TTN: variants seen among roughly 807,000 people sequenced by gnomAD.
TTN encodes titin, also known as connectin.
Under a neutral mutation model 3,223.0 loss-of-function variants are expected in TTN, and 1,525 were observed. The observed-to-expected ratio is 0.47, with a 90% CI of 0.45 to 0.49. The LOEUF (loss-of-function observed/expected upper bound fraction) is 0.49, where lower values mean the gene tolerates loss of function less well. Among genes scored for constraint, TTN ranks in the 20% least tolerant of loss-of-function variants. The pLI is 0.00. For missense variants in TTN, 40,786 were observed against 43,424.0 expected, an observed-to-expected ratio of 0.94 and a Z score of 5.40; for synonymous variants, 14,094 against 15,161.0, an observed-to-expected ratio of 0.93 and a Z score of 5.17.
chr2:178,587,611 A>G lies in TTN; in HGVS notation c.63698T>C (p.Ile21233Thr). 6.2e-7 allele frequency: 1 copy of G among 1,612,668 alleles called. No homozygotes were observed. The highest frequency in any genetic ancestry group is 8.5e-7 in the Non-Finnish European group (1 of 1,179,410). Residue 21233 changes from isoleucine (I) to threonine (T), a missense_variant, in exon 306 of 363, where the codon ATC becomes ACC. Coordinates refer to ENST00000589042, the MANE Select transcript of TTN (RefSeq NM_001267550.2). The part of the protein sequence containing the change: ...DLVDTMAFLV[I>T]PNSTRDDSGK... ...TGAGTCATCACGGGTAGAATTGGGG[A>G]TGACAAGGAAGGCCATAGTGTCAAC...
rs1064794266 is a variant in TTN, at chr2:178,607,400, C to T, written c.53287+1G>A. On this transcript the variant is annotated splice_donor_variant, in intron 277 of 362. Transcript: ENST00000589042. LOFTEE classifies it high-confidence loss of function. ...GTGAAAATCAGTGCAACATTCCTTA[C>T]CAAAAACTTCTACCCTGGCTGCTGC... 1 of 1,613,018 alleles carries T rather than the reference C, an allele frequency of 6.2e-7. No homozygotes were observed.
Position 178,740,813 on chromosome 2 carries a change from A to G in TTN, c.12420T>C (p.Phe4140=). ...EFLCINGSIH[F]QPLKEPSPNL... is the part of the protein sequence containing the mutation. Reference sequence around the variant, plus strand: ...TGGGAGATGGTTCCTTGAGAGGCTGAAAGTGAATACTGCCATTGATGCAAA... The same window carrying G: ...TGGGAGATGGTTCCTTGAGAGGCTGGAAGTGAATACTGCCATTGATGCAAA... The change falls in exon 48 of 363, where the codon TTT becomes TTC. Residue 4140 remains phenylalanine (F), a synonymous_variant. Transcript: ENST00000589042. The G allele has an allele frequency of 6.2e-7, 1 of 1,613,708 alleles. No individual in the cohort carries two copies.
chr2:178,589,680 T>A lies in TTN; in HGVS notation c.62045A>T (p.Lys20682Met). ...CCGCCACTTTAGATAGACAAATGTC[T>A]TTCCTTTATCTGCAATGTGAAGGTT... The part of the protein sequence containing the change: ...PENLHIADKG[K>M]TFVYLKWRRP... Residue 20682 changes from lysine to methionine, a missense_variant, in exon 304 of 363, where the codon AAG becomes ATG. Physicochemically the swap from Lys to Met is moderately conservative, Grantham distance 95. Transcript: ENST00000589042. 4.3e-6 allele frequency: 7 copies of A among 1,613,566 alleles called. No homozygotes were observed. The highest frequency in any genetic ancestry group is 5.9e-6 in the Non-Finnish European group (7 of 1,179,612).
chr2:178,729,600 A>G (rs1055626685), intron 63 of TTN, 34 bp from the exon 64 acceptor site: 4 of 1,612,692 alleles, frequency 2.5e-6, no homozygotes, highest in Non-Finnish European at 3.4e-6. Flanking sequence ...TAGCTTACTC[A>G]AGGGAAGACC....
Position 178,587,170 on chromosome 2 carries a change from G to T in TTN, c.64041C>A (p.Gly21347=), listed in dbSNP as rs760326387. The T allele has an allele frequency of 8.7e-6, 14 of 1,613,252 alleles. No homozygotes were observed. The East Asian group carries it at 2.7e-4, about 31-fold the overall frequency. ...YFRVTAVNEY[G]PGVPTDVPKP... is the part of the protein sequence containing the mutation. ...TTGGGACATCTGTTGGGACGCCAGG[G>T]CCATATTCGTTGACAGCAGTTACTC... Residue 21347 remains glycine (G), a synonymous_variant, in exon 307 of 363, where the codon GGC becomes GGA. Coordinates refer to ENST00000589042, the MANE Select transcript of TTN (RefSeq NM_001267550.2).
intron 159 of TTN, among the ~76,000 whole-genome samples, chr2:178,668,160 C>T (rs954222068): frequency 2.6e-5 from 4 of 151,992 alleles, no homozygotes; most frequent in Non-Finnish European, 4.4e-5. Context: ...CAAATCACAT[C>T]TAATATATGG....
In TTN at chr2:178,774,349, C is replaced by A. The variant is rs778211562; in HGVS notation, c.6915G>T (p.Glu2305Asp). The A allele has an allele frequency of 6.2e-7, 1 of 1,613,996 alleles. No individual in the cohort carries two copies. The highest frequency in any genetic ancestry group is 8.5e-7 in the Non-Finnish European group (1 of 1,179,996). Reference protein sequence around the residue: ...IEGKWYHNDVELKSNGKYTIT... With the variant: ...IEGKWYHNDVDLKSNGKYTIT... The stretch of plus-strand genomic sequence containing the variant: ...TTGTATATTTGCCATTGGATTTAAG[C>A]TCCACATCATTATGATACCATTTTC... The change falls in exon 30 of 363, where the codon GAG (glutamate) becomes GAT (aspartate). Residue 2305 changes from glutamate (E) to aspartate (D), a missense_variant. Physicochemically the swap from Glu to Asp is conservative, Grantham distance 45. Transcript: ENST00000589042.
chr2:178,647,160 T>C lies in TTN; in HGVS notation c.40142-16A>G. On this transcript the variant is annotated splice_polypyrimidine_tract_variant and intron_variant, in intron 214 of 362. Coordinates refer to ENST00000589042, the MANE Select transcript of TTN (RefSeq NM_001267550.2). Reference sequence around the variant, plus strand: ...GTCTCTTCAACTTTAAAAAACATAGTATTTTATTTTAGACTATATTTAGAA... The same window carrying C: ...GTCTCTTCAACTTTAAAAAACATAGCATTTTATTTTAGACTATATTTAGAA... 1 of 1,351,172 alleles carries C rather than the reference T, an allele frequency of 7.4e-7. No homozygotes were observed. Among genetic ancestry groups the C allele is most frequent in the East Asian group, 2.6e-5 (1 of 38,928 alleles). The allele number at this position is 1,351,172 out of a possible 1,614,324, so 83.7% of individuals were successfully genotyped here. A position where few individuals can be genotyped will look rare whatever the true frequency, so the allele number is the denominator to read the frequency against.
intron 92 of TTN, chr2:178,713,609 G>C: frequency 1.4e-6 from 1 of 730,170 alleles, no homozygotes; most frequent in Non-Finnish European, 2.1e-6. Context: ...TTGCCGTGAA[G>C]AATTATGTGG....
At chr2:178,748,824 A>G in intron 47 of TTN, 1 of 1,612,100 alleles carries the variant, frequency 6.2e-7, no homozygotes, top group Non-Finnish European at 8.5e-7. Flanking sequence ...GCAATGTTAG[A>G]TGAATCTGAT....
intron 47 of TTN, chr2:178,745,467 G>T: frequency 1.3e-6 from 2 of 1,515,310 alleles, no homozygotes; most frequent in East Asian, 2.4e-5. Context: ...GGGTCTCCAA[G>T]GTAATGAATT....
At position 178,633,576 on chromosome 2, in the gene TTN, T is replaced by C. The variant is rs16866425; in HGVS notation, c.42783A>G (p.Lys14261=). Reference sequence around the variant, plus strand: ...CAATCTCTTCACCATCTTTGAACCATTTCACTGGTACATCTTTGCTCACTT... The same window carrying C: ...CAATCTCTTCACCATCTTTGAACCACTTCACTGGTACATCTTTGCTCACTT... The part of the protein sequence containing the change: ...KCEVSKDVPV[K]WFKDGEEIVP... The change falls in exon 232 of 363, where the codon AAA becomes AAG. Residue 14261 remains lysine, a synonymous_variant. Transcript: ENST00000589042. 0.044 allele frequency: 70,639 copies of C among 1,613,282 alleles called. 3,691 individuals are homozygous for C. The highest frequency in any genetic ancestry group is 0.18 in the Admixed American group (10,802 of 59,964).
At chr2:178,783,685 G>A in intron 17 of TTN, 35 bp downstream of exon 17, 1 of 1,554,888 alleles carries the variant, frequency 6.4e-7, no homozygotes, top group African/African-American at 1.4e-5. Context: ...GAGGAGATAT[G>A]AATAGGGTCC....
Position 178,577,261 on chromosome 2 carries a change from G to A in TTN, c.69074C>T (p.Pro23025Leu). 1 of 1,612,860 alleles carries A rather than the reference G, an allele frequency of 6.2e-7. No homozygotes were observed. Among genetic ancestry groups the A allele is most frequent in the Non-Finnish European group, 8.5e-7 (1 of 1,179,474 alleles). Reference protein sequence around the residue: ...AGEYTITATNPFGTKVEHVKV... With the variant: ...AGEYTITATNLFGTKVEHVKV... ...CACATGTTCCACCTTCGTGCCAAAA[G>A]GATTGGTAGCAGTGATGGTATATTC... Residue 23025 changes from proline (P) to leucine (L), a missense_variant, in exon 324 of 363, where the codon CCT (proline) becomes CTT (leucine). Pro to Leu is a moderately conservative substitution (Grantham distance 98). Transcript: ENST00000589042.
At chr2:178,758,900 A>C in intron 44 of TTN, 84 bp downstream of exon 44, 1 of 1,341,488 alleles carries the variant, frequency 7.5e-7, no homozygotes. Context: ...ACAATGATTT[A>C]CATGAACTCT....
intron 208 of TTN, 140 bp downstream of exon 208, chr2:178,651,103 A>C: frequency 1.4e-6 from 1 of 723,122 alleles, no homozygotes; most frequent in Non-Finnish European, 2.3e-6. Context: ...ATTATTAAAA[A>C]GTATTCAGAC....
chr2:178,579,545 G>A lies in TTN; in HGVS notation c.67636+16C>T. 1.2e-6 allele frequency: 2 copies of A among 1,611,720 alleles called. No individual in the cohort carries two copies. The highest frequency in any genetic ancestry group is 1.1e-5 in the South Asian group (1 of 90,830). On this transcript the variant is annotated intron_variant, in intron 319 of 362. Coordinates refer to ENST00000589042, the MANE Select transcript of TTN (RefSeq NM_001267550.2). ...GACAATAAAGGAAAAATGAAGATGT[G>A]TGCATAGAGCCTTACCAACATCATC...
At chr2:178,639,390 GTC>G (rs1222400959) in intron 223 of TTN, among the ~76,000 whole-genome samples, 2 of 151,930 alleles carry the variant, frequency 1.3e-5, no homozygotes, top group Non-Finnish European at 2.9e-5. Flanking sequence ...CCCTTACAGG[GTC>G]TCTGCCTGTC....
chr2:178,533,370 G>T lies in TTN; in HGVS notation c.103245C>A (p.Gly34415=), dbSNP rs1430673654. The change falls in exon 358 of 363, where the codon GGC becomes GGA. Residue 34415 remains glycine (G), a synonymous_variant. Coordinates refer to ENST00000589042, the MANE Select transcript of TTN (RefSeq NM_001267550.2). ...TGATGTGCAGAGCATAATAATCCAA[G>T]CCTTCATGGATAATTTCAATGTTAG... is the stretch of plus-strand genomic sequence containing the variant. The part of the protein sequence containing the change: ...LGPNIEIIHE[G]LDYYALHIRD... 2 of 1,613,524 alleles carry T rather than the reference G, an allele frequency of 1.2e-6. No individual in the cohort carries two copies. The highest frequency in any genetic ancestry group is 4.5e-5 in the East Asian group (2 of 44,864).
Sources: allele counts gnomAD v4.1 joint callset (sites outside exome capture counted in the v4.1 genomes callset), GRCh38; gene constraint gnomAD v4.1.1; transcripts MANE v1.5; gene names NCBI Gene and HGNC (gene_info 2026-07-23, HGNC 2026-07-21).